Variants in MCF2L2 observed in about 807,000 individuals in gnomAD.
MCF2L2 encodes MCF.2 cell line derived transforming sequence-like 2.
In MCF2L2, 102 loss-of-function variants were observed where a neutral mutation model predicts 150.2. That is an observed-to-expected ratio of 0.68 (90% CI 0.58 to 0.80). The LOEUF is 0.80. Ranked by LOEUF, MCF2L2 falls within the 30% of genes least tolerant of loss-of-function variation. The probability of loss-of-function intolerance (pLI) is 0.00; values close to 1 mark genes in which losing one functional copy is unlikely to be tolerated. For missense variants in MCF2L2, 1,256 were observed against 1,372.8 expected (o/e 0.91, Z 1.34); for synonymous variants, 465 against 491.3 (o/e 0.95, Z 0.71).
At chr3:183,407,080 C>G (rs1303187816) in intron 1 of MCF2L2, among the ~76,000 whole-genome samples, 4 of 152,184 alleles carry the variant, frequency 2.6e-5, no homozygotes, top group Non-Finnish European at 5.9e-5. Context: ...ACACAGATGT[C>G]TAATTGTTCC....
chr3:183,374,342 G>A (rs1161239396), intron 3 of MCF2L2: 2 of 152,196 alleles, frequency 1.3e-5, no homozygotes, highest in East Asian at 3.9e-4. Flanking sequence ...AATATGCTCT[G>A]TTGAAAACTT....
At chr3:183,334,836 G>A (rs1730410081) in intron 5 of MCF2L2, among the ~76,000 whole-genome samples, 1 of 150,354 alleles carries the variant, frequency 6.7e-6, no homozygotes, top group Non-Finnish European at 1.5e-5. Context: ...CAGGCACAAT[G>A]GCTCATGCCT....
intron 3 of MCF2L2, among the ~76,000 whole-genome samples, chr3:183,367,792 A>C (rs1712627954): frequency 6.6e-6 from 1 of 152,234 alleles, no homozygotes; most frequent in Non-Finnish European, 1.5e-5. Flanking sequence ...TAACTAACAA[A>C]AATGAGAGAA....
At chr3:183,200,791 C>A (rs375646880) in intron 25 of MCF2L2, among the ~76,000 whole-genome samples, 1 of 151,948 alleles carries the variant, frequency 6.6e-6, no homozygotes, top group Non-Finnish European at 1.5e-5. Context: ...ATCTTGAATT[C>A]ATTTTTGTAT....
At chr3:183,342,249 T>C (rs909029399) in intron 3 of MCF2L2, among the ~76,000 whole-genome samples, 1 of 152,146 alleles carries the variant, frequency 6.6e-6, no homozygotes, top group African/African-American at 2.4e-5. Context: ...ATTCTAAAAG[T>C]GAAAACATTT....
intron 6 of MCF2L2, among the ~76,000 whole-genome samples, chr3:183,322,329 G>A (rs2108519854): frequency 6.6e-6 from 1 of 152,218 alleles, no homozygotes; most frequent in East Asian, 1.9e-4. Context: ...GTTAGTCCGG[G>A]GTTTCTCAGC....
chr3:183,357,607 T>C (rs1235506775), intron 3 of MCF2L2, among the ~76,000 whole-genome samples: 2 of 152,156 alleles, frequency 1.3e-5, no homozygotes, highest in Admixed American at 6.5e-5. Context: ...ATTTATTCCA[T>C]GTCCTCAAGG....
intron 2 of MCF2L2, among the ~76,000 whole-genome samples, chr3:183,381,030 A>G (rs1000571074): frequency 7.2e-5 from 11 of 152,318 alleles, no homozygotes; most frequent in African/African-American, 2.6e-4. Flanking sequence ...GGGCCATGAA[A>G]AAAAGACTGA....
chr3:183,403,163 T>A (rs527849935), intron 1 of MCF2L2, among the ~76,000 whole-genome samples: 1 of 152,002 alleles, frequency 6.6e-6, no homozygotes, highest in South Asian at 2.1e-4. Context: ...TCCCAGATAC[T>A]CAGGAGGCTG....
intron 1 of MCF2L2, among the ~76,000 whole-genome samples, chr3:183,392,508 A>C (rs1190553595): frequency 6.6e-6 from 1 of 152,148 alleles, no homozygotes; most frequent in African/African-American, 2.4e-5. Context: ...TAAAATTCAT[A>C]ATTTGTTTTT....
intron 1 of MCF2L2, among the ~76,000 whole-genome samples, chr3:183,427,099 T>C (rs943682808): frequency 2.0e-5 from 3 of 152,164 alleles, no homozygotes; most frequent in East Asian, 1.9e-4. Context: ...TCCCGATAAT[T>C]CCAGTTGCCC....
At chr3:183,309,600 G>T in intron 10 of MCF2L2, 116 bp downstream of exon 10, 1 of 1,311,710 alleles carries the variant, frequency 7.6e-7, no homozygotes, top group Non-Finnish European at 1.1e-6. Flanking sequence ...TGACTGAAGG[G>T]CAGGACTGGG....
chr3:183,207,477 C>T (rs1206287512), intron 23 of MCF2L2, 131 bp downstream of exon 23: 2 of 691,422 alleles, frequency 2.9e-6, no homozygotes, highest in Non-Finnish European at 4.9e-6. Flanking sequence ...TGGATTCTAG[C>T]CCTGTGGTGT....
At chr3:183,366,568 C>T (rs1250998212) in intron 3 of MCF2L2, among the ~76,000 whole-genome samples, 1 of 152,184 alleles carries the variant, frequency 6.6e-6, no homozygotes, top group Non-Finnish European at 1.5e-5. Context: ...TCGCTGGAAC[C>T]CAGCGGGGCA....
At chr3:183,358,097 G>A (rs1296091195) in intron 3 of MCF2L2, among the ~76,000 whole-genome samples, 1 of 152,034 alleles carries the variant, frequency 6.6e-6, no homozygotes, top group Non-Finnish European at 1.5e-5. Context: ...AGATCAGCCT[G>A]GCCAAGATGG....
At chr3:183,199,607 G>A (rs550501934) in intron 25 of MCF2L2, among the ~76,000 whole-genome samples, 16 of 150,278 alleles carry the variant, frequency 1.1e-4, no homozygotes, top group Middle Eastern at 3.4e-3. Context: ...TCAGAATATC[G>A]AAATTTTTTT....
At chr3:183,271,142 AT>A in intron 15 of MCF2L2, 1 of 454,836 alleles carries the variant, frequency 2.2e-6, no homozygotes, top group Non-Finnish European at 3.8e-6. Context: ...AAGAATTTGT[AT>A]TTAGAAAAGG....
intron 1 of MCF2L2, among the ~76,000 whole-genome samples, chr3:183,415,166 ATTATGT>A (rs1715523104): frequency 6.6e-6 from 1 of 151,208 alleles, no homozygotes; most frequent in South Asian, 2.1e-4. Context: ...GTTTCCAACT[ATTATGT>A]TTAATAGTTG....
chr3:183,257,125 G>A lies in MCF2L2; in HGVS notation c.1862+19747C>T, dbSNP rs187843554. On this transcript the variant is annotated intron_variant, in intron 15 of 29. Transcript: ENST00000328913. ...TAAAGCTACACAAACAGATTCTAGA[G>A]AAAGGAAATTTGCACAGATGGAACA... Among the ~76,000 whole-genome samples the A allele has an allele frequency of 3.3e-5, 5 of 152,270 alleles. No homozygotes were observed. The East Asian group carries it at 9.6e-4, about 29-fold the overall frequency.
Sources: gnomAD v4.1 joint callset for allele counts (sites outside exome capture counted in the v4.1 genomes callset) on GRCh38, gnomAD v4.1.1 for gene constraint, MANE v1.5 for transcripts, NCBI Gene and HGNC (gene_info 2026-07-23, HGNC 2026-07-21) for gene names.